FOXP1: variants seen among roughly 807,000 people sequenced by gnomAD.
The protein encoded by FOXP1 is forkhead box protein P1.
Under a neutral mutation model 98.2 loss-of-function variants are expected in FOXP1, and 15 were observed. That is an observed-to-expected ratio of 0.15 (90% CI 0.10 to 0.24). FOXP1 has a LOEUF of 0.24. FOXP1 is among the 10% of genes least tolerant of loss of function. The pLI, the probability that FOXP1 is intolerant of heterozygous loss-of-function variation, is 1.00. For synonymous variants in FOXP1, 371 were observed against 314.5 expected (o/e 1.18, Z -1.90); for missense variants, 633 against 848.5 (o/e 0.75, Z 3.15).
intron 11 of FOXP1, among the ~76,000 whole-genome samples, chr3:71,018,289 G>C (rs2044819536): frequency 6.6e-6 from 1 of 152,134 alleles, no homozygotes; most frequent in Non-Finnish European, 1.5e-5. Context: ...CGACACACTA[G>C]GGCCTTAGAA....
At chr3:71,166,377 T>G (rs1414252621) in intron 6 of FOXP1, among the ~76,000 whole-genome samples, 1 of 152,348 alleles carries the variant, frequency 6.6e-6, no homozygotes, top group Middle Eastern at 3.4e-3. Flanking sequence ...CTTCCAAAGA[T>G]TCACGCAGTT....
intron 5 of FOXP1, among the ~76,000 whole-genome samples, chr3:71,293,570 C>T (rs2072985456): frequency 6.6e-6 from 1 of 151,882 alleles, no homozygotes; most frequent in Admixed American, 6.6e-5. Context: ...TTGATAATTG[C>T]TGCAAATATT....
intron 2 of FOXP1, among the ~76,000 whole-genome samples, chr3:71,517,682 A>AGTGTTT (rs2042682336): frequency 6.6e-6 from 1 of 152,194 alleles, no homozygotes; most frequent in African/African-American, 2.4e-5. Flanking sequence ...TCTTTTATTG[A>AGTGTTT]ATACTGGCTC....
intron 2 of FOXP1, among the ~76,000 whole-genome samples, chr3:71,519,630 A>C (rs1326655820): frequency 3.9e-5 from 6 of 152,328 alleles, no homozygotes; most frequent in African/African-American, 1.2e-4. Flanking sequence ...AGTTGGGGTC[A>C]CTTTATTTCT....
At position 71,209,963 on chromosome 3, in the gene FOXP1, T is replaced by A. The variant is rs182441271; in HGVS notation, c.-11-11571A>T. ...CTTATAATCAGTTAGCTAATTTTTT[T>A]AAATTCTGCGTGATGTCAGTGCAAA... On this transcript the variant is annotated intron_variant, in intron 5 of 20. Transcript: ENST00000649528. Among the ~76,000 whole-genome samples, 1,325 of 152,334 alleles carry A rather than the reference T, an allele frequency of 8.7e-3. 20 individuals are homozygous for A. The highest frequency in any genetic ancestry group is 0.03 in the African/African-American group (1,245 of 41,564).
intron 5 of FOXP1, among the ~76,000 whole-genome samples, chr3:71,295,008 T>C (rs2073142901): frequency 6.6e-6 from 1 of 152,216 alleles, no homozygotes; most frequent in Non-Finnish European, 1.5e-5. Context: ...TAGACTTCTA[T>C]TTTATTTAAG....
chr3:71,089,292 CACACTATG>C (rs1286653535), intron 7 of FOXP1, among the ~76,000 whole-genome samples: 1 of 152,178 alleles, frequency 6.6e-6, no homozygotes, highest in African/African-American at 2.4e-5. Context: ...GCACTGAAGT[CACACTATG>C]GAGAGGTCCA....
intron 2 of FOXP1, among the ~76,000 whole-genome samples, chr3:71,535,557 C>T (rs567450252): frequency 6.6e-4 from 101 of 152,236 alleles, no homozygotes; most frequent in African/African-American, 2.2e-3. Context: ...ACAACAACAA[C>T]AACAACAAAA....
Position 71,428,211 on chromosome 3 carries a change from A to G in FOXP1, c.-168+65215T>C, listed in dbSNP as rs545417295. Among the ~76,000 whole-genome samples, 15 of 152,338 alleles carry G rather than the reference A, an allele frequency of 9.8e-5. No individual in the cohort carries two copies. The South Asian group carries it at 2.1e-3, about 21-fold the overall frequency. On this transcript the variant is annotated intron_variant, in intron 3 of 20. Coordinates refer to ENST00000649528, the MANE Select transcript of FOXP1 (RefSeq NM_001349338.3). ...AGAACAAGGCATTCAGGAAGAAAAG[A>G]CTGAACATCATTCTGCCCAACAGGA...
intron 6 of FOXP1, among the ~76,000 whole-genome samples, chr3:71,162,648 A>G (rs960547630): frequency 1.3e-5 from 2 of 152,234 alleles, no homozygotes; most frequent in African/African-American, 4.8e-5. Flanking sequence ...GACAGGAGGC[A>G]CAGAAACTTA....
At chr3:71,098,452 G>T (rs1167734550) in intron 7 of FOXP1, among the ~76,000 whole-genome samples, 1 of 152,140 alleles carries the variant, frequency 6.6e-6, no homozygotes, top group Non-Finnish European at 1.5e-5. Flanking sequence ...TACCTGGCAG[G>T]ATTCATTTCA....
intron 7 of FOXP1, among the ~76,000 whole-genome samples, chr3:71,084,802 G>A (rs2054844992): frequency 6.6e-6 from 1 of 152,166 alleles, no homozygotes; most frequent in African/African-American, 2.4e-5. Flanking sequence ...GGAGGCTGAG[G>A]TGGGGGAATC....
intron 6 of FOXP1, among the ~76,000 whole-genome samples, chr3:71,178,616 T>A (rs902490144): frequency 9.2e-5 from 14 of 151,454 alleles, no homozygotes; most frequent in African/African-American, 3.4e-4. Flanking sequence ...GGGTGCGGTG[T>A]CTCAAGCCTG....
intron 7 of FOXP1, among the ~76,000 whole-genome samples, chr3:71,065,448 G>C (rs1053151950): frequency 2.0e-5 from 3 of 152,200 alleles, no homozygotes; most frequent in African/African-American, 7.2e-5. Flanking sequence ...GCAGAAAAGC[G>C]CTTTTCCTCG....
At chr3:70,971,833 G>C in intron 18 of FOXP1, 1 of 432,586 alleles carries the variant, frequency 2.3e-6, no homozygotes, top group East Asian at 3.5e-5. Flanking sequence ...CATTATTCAA[G>C]GCACTGGTGT....
chr3:71,277,618 C>A (rs1239543759), intron 5 of FOXP1, among the ~76,000 whole-genome samples: 1 of 152,026 alleles, frequency 6.6e-6, no homozygotes, highest in African/African-American at 2.4e-5. Context: ...GCCATGCAGG[C>A]CTTATTTCTT....
In FOXP1 at chr3:71,346,714, T is replaced by C. The variant is rs2077385326; in HGVS notation, c.-73+12436A>G. ...TTCTTATCTCATTCCTTAGGCAGTT[T>C]TTTTTCCAGAGGGTTCTCTTGCTCT... is the stretch of plus-strand genomic sequence containing the variant. On this transcript the variant is annotated intron_variant, in intron 4 of 20. Coordinates refer to ENST00000649528, the MANE Select transcript of FOXP1 (RefSeq NM_001349338.3). 2.0e-5 allele frequency among the ~76,000 whole-genome samples: 3 copies of C among 152,116 alleles called. No individual in the cohort carries two copies. The South Asian group carries it at 6.2e-4, about 32-fold the overall frequency.
intron 6 of FOXP1, among the ~76,000 whole-genome samples, chr3:71,128,980 T>C (rs1383262651): frequency 6.6e-6 from 1 of 152,194 alleles, no homozygotes; most frequent in Non-Finnish European, 1.5e-5. Context: ...GGGCATGGCT[T>C]TCGGAGTGGA....
At chr3:71,578,346 T>TCTACTTCG (rs2047889747) in intron 2 of FOXP1, among the ~76,000 whole-genome samples, 2 of 152,246 alleles carry the variant, frequency 1.3e-5, no homozygotes, top group East Asian at 3.8e-4. Context: ...ATTTATACTA[T>TCTACTTCG]GTTCTGACAG....
Sources: allele counts gnomAD v4.1 joint callset (sites outside exome capture counted in the v4.1 genomes callset), GRCh38; gene constraint gnomAD v4.1.1; transcripts MANE v1.5; gene names NCBI Gene and HGNC (gene_info 2026-07-23, HGNC 2026-07-21).